BNC2: variants seen among roughly 807,000 people sequenced by gnomAD.
BNC2 encodes the protein basonuclin zinc finger protein 2, also known as zinc finger protein basonuclin-2.
BNC2 carries 20 observed loss-of-function variants against 76.3 expected under a neutral mutation model. The observed-to-expected ratio is 0.26, with a 90% CI of 0.18 to 0.38. BNC2 has a LOEUF of 0.38. Ranked by LOEUF, BNC2 falls within the 10% of genes least tolerant of loss-of-function variation. BNC2 has a pLI of 1.00. For synonymous variants in BNC2, 582 were observed against 514.8 expected (o/e 1.13, Z -1.77); for missense variants, 1,382 against 1,399.8 (o/e 0.99, Z 0.20).
chr9:16,462,228 GA>G (rs1292245202), intron 5 of BNC2, among the ~76,000 whole-genome samples: 3 of 151,982 alleles, frequency 2.0e-5, no homozygotes, highest in African/African-American at 7.2e-5. Flanking sequence ...ACCAGCCAAA[GA>G]AAAAAATTAT....
intron 1 of BNC2, among the ~76,000 whole-genome samples, chr9:16,770,235 C>T (rs1825798996): frequency 6.6e-6 from 1 of 152,174 alleles, no homozygotes; most frequent in African/African-American, 2.4e-5. Context: ...TGCTCATCCA[C>T]TGCCACCCTA....
At chr9:16,867,681 T>G (rs1195529941) in intron 1 of BNC2, 4 of 151,934 alleles carry the variant, frequency 2.6e-5, no homozygotes, top group Non-Finnish European at 5.9e-5. Context: ...ACAAAAAGAA[T>G]AGCTCCCTCT....
At chr9:16,565,015 GAT>G (rs1482277483) in intron 4 of BNC2, among the ~76,000 whole-genome samples, 1 of 151,886 alleles carries the variant, frequency 6.6e-6, no homozygotes, top group Non-Finnish European at 1.5e-5. Flanking sequence ...GTTTTTCCTG[GAT>G]CAATTTCTTC....
chr9:16,657,869 A>C (rs1821976140), intron 3 of BNC2, among the ~76,000 whole-genome samples: 1 of 152,194 alleles, frequency 6.6e-6, no homozygotes, highest in Admixed American at 6.5e-5. Flanking sequence ...TGGGATACAT[A>C]GGTGTGTTGA....
intron 1 of BNC2, among the ~76,000 whole-genome samples, chr9:16,773,683 T>A (rs1354982135): frequency 1.3e-5 from 2 of 152,150 alleles, no homozygotes; most frequent in Non-Finnish European, 2.9e-5. Flanking sequence ...AGTCTTAACA[T>A]GAGAGCCCAA....
At chr9:16,446,555 C>T (rs549255862) in intron 5 of BNC2, among the ~76,000 whole-genome samples, 1 of 152,068 alleles carries the variant, frequency 6.6e-6, no homozygotes, top group South Asian at 2.1e-4. Flanking sequence ...AATATACTCT[C>T]CAAAAATGAT....
chr9:16,516,278 A>T (rs1332061455), intron 5 of BNC2, among the ~76,000 whole-genome samples: 1 of 151,990 alleles, frequency 6.6e-6, no homozygotes, highest in African/African-American at 2.4e-5. Flanking sequence ...GCTGGTGTAG[A>T]TAACGTTCTT....
intron 5 of BNC2, among the ~76,000 whole-genome samples, chr9:16,438,507 T>A (rs1189963017): frequency 2.0e-5 from 3 of 152,120 alleles, no homozygotes; most frequent in African/African-American, 7.2e-5. Flanking sequence ...AGGTAGGACT[T>A]TAAAATCCTG....
intron 3 of BNC2, among the ~76,000 whole-genome samples, chr9:16,665,428 G>C (rs61377026): frequency 2.1e-5 from 2 of 95,296 alleles, no homozygotes; most frequent in Non-Finnish European, 4.4e-5. Flanking sequence ...AGGAAAGAAA[G>C]GAAAGAAAAG....
chr9:16,521,481 G>A (rs1817617952), intron 5 of BNC2, among the ~76,000 whole-genome samples: 1 of 152,106 alleles, frequency 6.6e-6, no homozygotes, highest in African/African-American at 2.4e-5. Flanking sequence ...GCCATAAATA[G>A]GTAAAACGTG....
At chr9:16,618,029 A>G (rs1188314820) in intron 3 of BNC2, among the ~76,000 whole-genome samples, 3 of 152,186 alleles carry the variant, frequency 2.0e-5, no homozygotes, top group African/African-American at 7.2e-5. Flanking sequence ...ATGGAGCGCC[A>G]CTTTACGGTG....
intron 3 of BNC2, among the ~76,000 whole-genome samples, chr9:16,622,027 A>C (rs937210794): frequency 2.6e-5 from 4 of 152,140 alleles, no homozygotes; most frequent in Non-Finnish European, 5.9e-5. Flanking sequence ...ACTGGTCTGG[A>C]CACTAGGATT....
intron 3 of BNC2, among the ~76,000 whole-genome samples, chr9:16,647,685 A>G (rs1289861727): frequency 6.6e-6 from 1 of 152,202 alleles, no homozygotes; most frequent in Admixed American, 6.5e-5. Context: ...AGCCTTCAAC[A>G]GAATTTTTCA....
intron 3 of BNC2, among the ~76,000 whole-genome samples, chr9:16,653,458 A>G (rs935561470): frequency 1.3e-5 from 2 of 152,152 alleles, no homozygotes; most frequent in African/African-American, 4.8e-5. Context: ...CGGACAAATG[A>G]AATAAAAAGG....
intron 3 of BNC2, among the ~76,000 whole-genome samples, chr9:16,609,928 C>T (rs1357155501): frequency 6.6e-6 from 1 of 152,110 alleles, no homozygotes; most frequent in African/African-American, 2.4e-5. Context: ...ACAGGTTTGG[C>T]TTTGTTTTGC....
chr9:16,841,714 T>C (rs1377732283), intron 1 of BNC2, among the ~76,000 whole-genome samples: 1 of 151,490 alleles, frequency 6.6e-6, no homozygotes, highest in Non-Finnish European at 1.5e-5. Flanking sequence ...TACTTCAAAA[T>C]AAAAGATTAA....
chr9:16,496,576 C>T (rs1337105420), intron 5 of BNC2, among the ~76,000 whole-genome samples: 1 of 152,204 alleles, frequency 6.6e-6, no homozygotes, highest in East Asian at 1.9e-4. Context: ...TAAGAACAGA[C>T]ATCTAAGGTT....
intron 5 of BNC2, among the ~76,000 whole-genome samples, chr9:16,533,430 A>G (rs1818042618): frequency 6.6e-6 from 1 of 152,210 alleles, no homozygotes; most frequent in Non-Finnish European, 1.5e-5. Flanking sequence ...AAAAATACAA[A>G]TAAGGAATAA....
chr9:16,744,587 T>C (rs1335987892), intron 1 of BNC2, among the ~76,000 whole-genome samples: 1 of 152,210 alleles, frequency 6.6e-6, no homozygotes, highest in Non-Finnish European at 1.5e-5. Flanking sequence ...GATTTACTTT[T>C]ATTCTTCATA....
Sources: allele counts gnomAD v4.1 joint callset (sites outside exome capture counted in the v4.1 genomes callset), GRCh38; gene constraint gnomAD v4.1.1; transcripts MANE v1.5; gene names NCBI Gene and HGNC (gene_info 2026-07-23, HGNC 2026-07-21).